Variants in LRP4 observed in about 807,000 individuals in gnomAD.
LRP4 encodes LDL receptor related protein 4.
Under a neutral mutation model 220.3 loss-of-function variants are expected in LRP4, and 95 were observed. That is an observed-to-expected ratio of 0.43 (90% CI 0.37 to 0.51). The LOEUF (loss-of-function observed/expected upper bound fraction) is 0.51, where lower values mean the gene tolerates loss of function less well. LRP4 is among the 20% of genes least tolerant of loss of function. The probability of loss-of-function intolerance (pLI) is 0.00; values close to 1 mark genes in which losing one functional copy is unlikely to be tolerated. For missense variants in LRP4, 1,925 were observed against 2,567.0 expected, an observed-to-expected ratio of 0.75 and a Z score of 5.40; for synonymous variants, 903 against 954.6, an observed-to-expected ratio of 0.95 and a Z score of 1.00.
chr11:46,888,893 A>C (rs1407630624), intron 16 of LRP4, among the ~76,000 whole-genome samples: 2 of 152,162 alleles, frequency 1.3e-5, no homozygotes, highest in Admixed American at 1.3e-4. Context: ...ACTCCTAAGG[A>C]GCCCAAAGGA....
chr11:46,882,980 A>T (rs1287867445), intron 19 of LRP4, among the ~76,000 whole-genome samples: 1 of 152,178 alleles, frequency 6.6e-6, no homozygotes, highest in East Asian at 1.9e-4. Context: ...TAAAACCAAA[A>T]CCATCACCAC....
rs12807111 is a variant in LRP4 at position 46,902,623 on chromosome 11, T to A, written c.199+160A>T. ...ACAGGAGAGTTGGAGCCATATATAG[T>A]GAAGAAACTACCCAAATGTCAATAT... On this transcript the variant is annotated intron_variant, in intron 2 of 37. Coordinates refer to ENST00000378623, the MANE Select transcript of LRP4 (RefSeq NM_002334.4). Among the ~76,000 whole-genome samples, 90,092 of 151,988 alleles carry A rather than the reference T, an allele frequency of 0.59. 29,957 individuals carry two copies. Among genetic ancestry groups the A allele is most frequent in the Non-Finnish European group, 0.75 (51,264 of 67,966 alleles).
intron 22 of LRP4, among the ~76,000 whole-genome samples, 170 bp from the exon 23 acceptor site, chr11:46,877,509 C>T (rs1941049986): frequency 6.6e-6 from 1 of 152,104 alleles, no homozygotes; most frequent in Admixed American, 6.5e-5. Context: ...GCTGTGTCGC[C>T]CAGGCTGGAG....
Position 46,890,601 on chromosome 11 carries a change from T to A in LRP4, c.1698-107A>T, listed in dbSNP as rs1182798775. The A allele has an allele frequency of 3.9e-6, 3 of 764,382 alleles. No homozygotes were observed. Among genetic ancestry groups the A allele is most frequent in the Non-Finnish European group, 2.2e-6 (1 of 449,614 alleles). The allele number at this position is 764,382 out of a possible 1,614,324, so 47.3% of individuals were successfully genotyped here. ...ATCCATTTAACTCAGGGGACTCCAA[T>A]GTTTGGTCCACAGAATGAATTTTTT... On this transcript the variant is annotated intron_variant, in intron 13 of 37. Transcript: ENST00000378623. This position sits in a 1 kb window ranked among gnomAD's most constrained non-coding sequence, Gnocchi z 5.3.
intron 37 of LRP4, chr11:46,861,001 AAC>A (rs1158689561): frequency 1.0e-6 from 1 of 976,454 alleles, no homozygotes; most frequent in East Asian, 1.1e-4. Context: ...CTGAGGAAGA[AAC>A]ACACAACAGA....
Position 46,875,511 on chromosome 11 carries a change from C to A in LRP4, c.3870G>T (p.Arg1290Ser), listed in dbSNP as rs1403441683. 1.1e-5 allele frequency: 18 copies of A among 1,614,180 alleles called. No homozygotes were observed. The highest frequency in any genetic ancestry group is 1.4e-5 in the Non-Finnish European group (16 of 1,180,044). ...KGTGSNVILV[R>S]SNLPGLMDMQ... ...TGTCCATGAGGCCTGGCAGGTTGGA[C>A]CTCACGAGGATGACATTGCTGCCAG... The change falls in exon 27 of 38, where the codon AGG (arginine) becomes AGT (serine). Residue 1290 changes from arginine to serine, a missense_variant. Coordinates refer to ENST00000378623, the MANE Select transcript of LRP4 (RefSeq NM_002334.4). The surrounding 1 kb of genome is among the most constrained non-coding windows in gnomAD (Gnocchi z 4.5).
chr11:46,897,962 G>A (rs1387709109), intron 7 of LRP4, among the ~76,000 whole-genome samples: 37 of 151,218 alleles, frequency 2.4e-4, no homozygotes, highest in Admixed American at 1.1e-3. Flanking sequence ...GGGCAGAGGC[G>A]CCCCTCACCT....
At chr11:46,893,675 C>T (rs1941468637) in intron 12 of LRP4, among the ~76,000 whole-genome samples, 1 of 152,250 alleles carries the variant, frequency 6.6e-6, no homozygotes, top group South Asian at 2.1e-4. Context: ...TCTCGGGTCA[C>T]TGCAACCTCC....
At position 46,899,598 on chromosome 11, in the gene LRP4, G is replaced by T. The variant is rs1006946756; in HGVS notation, c.431-95C>A. 11 of 947,648 alleles carry T rather than the reference G, an allele frequency of 1.2e-5. No individual in the cohort carries two copies. Among genetic ancestry groups the T allele is most frequent in the Admixed American group, 1.0e-4 (6 of 58,938 alleles). The allele number at this position is 947,648 out of a possible 1,614,324, so 58.7% of individuals were successfully genotyped here. A position where few individuals can be genotyped will look rare whatever the true frequency, so the allele number is the denominator to read the frequency against. ...CTCCCAACCTCACTGGCTTTGGCGG[G>T]TCTGACCTAGCCCCCGAAAGGCACC... is the stretch of plus-strand genomic sequence containing the variant. On this transcript the variant is annotated intron_variant, in intron 4 of 37. Coordinates refer to ENST00000378623, the MANE Select transcript of LRP4 (RefSeq NM_002334.4). This position sits in a 1 kb window ranked among gnomAD's most constrained non-coding sequence, Gnocchi z 5.9.
intron 7 of LRP4, 91 bp downstream of exon 7, chr11:46,898,467 T>A (rs1941589551): frequency 6.4e-7 from 1 of 1,573,228 alleles, no homozygotes; most frequent in Non-Finnish European, 8.7e-7. Context: ...ATTATAAGCA[T>A]GAGCCACCGC....
chr11:46,863,071 G>A, intron 36 of LRP4: 1 of 355,442 alleles, frequency 2.8e-6, no homozygotes, highest in Admixed American at 3.9e-5. Context: ...CCTATGGAGA[G>A]GCCCACAAGG....
At chr11:46,898,839 C>G in intron 6 of LRP4, 65 bp downstream of exon 6, 1 of 1,611,554 alleles carries the variant, frequency 6.2e-7, no homozygotes. Context: ...GGCGACTGTG[C>G]CTTGCCACCC....
intron 22 of LRP4, among the ~76,000 whole-genome samples, chr11:46,878,470 C>T (rs1315279434): frequency 6.6e-6 from 1 of 151,948 alleles, no homozygotes; most frequent in African/African-American, 2.4e-5. Flanking sequence ...GACGAGGTTT[C>T]ACCATGTTGG....
chr11:46,899,402 C>A lies in LRP4; in HGVS notation c.532G>T (p.Asp178Tyr), dbSNP rs1941616434. The change falls in exon 5 of 38, where the codon GAT becomes TAT. Residue 178 changes from aspartate to tyrosine, a missense_variant. By Grantham distance (160) the Asp-to-Tyr change is radical. Coordinates refer to ENST00000378623, the MANE Select transcript of LRP4 (RefSeq NM_002334.4). The surrounding 1 kb of genome is among the most constrained non-coding windows in gnomAD (Gnocchi z 5.9). ...GGCCACTCACGACAGTTCTCCTCAT[C>A]GGAGCCATCTTTGCAGTCGGTGTCA... is the stretch of plus-strand genomic sequence containing the variant. Reference protein sequence around the residue: ...DGDTDCKDGSDEENCPSAVPA... With the variant: ...DGDTDCKDGSYEENCPSAVPA... 6.2e-7 allele frequency: 1 copy of A among 1,613,712 alleles called. No homozygotes were observed. The highest frequency in any genetic ancestry group is 1.3e-5 in the African/African-American group (1 of 74,950).
chr11:46,886,008 C>A, intron 18 of LRP4, 83 bp downstream of exon 18: 2 of 1,172,352 alleles, frequency 1.7e-6, no homozygotes, highest in Non-Finnish European at 1.3e-6. Flanking sequence ...AGGAGAGACA[C>A]TGGGCTCCTT....
rs370423533 is a variant in LRP4, at chr11:46,890,634, C to T, written c.1698-140G>A. On this transcript the variant is annotated intron_variant, in intron 13 of 37. Transcript: ENST00000378623. This position sits in a 1 kb window ranked among gnomAD's most constrained non-coding sequence, Gnocchi z 5.3. ...CCACAGAATGAATTTTTTTTTTAGA[C>T]GGGGTCTCATTTTGTCACCCAGGCT... The T allele has an allele frequency of 1.1e-3, 728 of 667,812 alleles. 7 individuals carry two copies. The South Asian group carries it at 0.011, about 10-fold the overall frequency. The allele number at this position is 667,812 out of a possible 1,614,324, so 41.4% of individuals were successfully genotyped here. A position where few individuals can be genotyped will look rare whatever the true frequency, so the allele number is the denominator to read the frequency against.
At position 46,918,137 on chromosome 11, in the gene LRP4, C is replaced by T. The variant is rs979077553; in HGVS notation, c.52+191G>A. On this transcript the variant is annotated intron_variant, in intron 1 of 37. Coordinates refer to ENST00000378623, the MANE Select transcript of LRP4 (RefSeq NM_002334.4). The surrounding 1 kb of genome is among the most constrained non-coding windows in gnomAD (Gnocchi z 6.0). ...AGACCCGAACCCGCGGAAGCGCCTC[C>T]GCTGATGCCCCCGCTCGGACTGCTG... Among the ~76,000 whole-genome samples the T allele has an allele frequency of 6.6e-6, 1 of 151,952 alleles. No homozygotes were observed.
intron 1 of LRP4, among the ~76,000 whole-genome samples, chr11:46,908,265 A>G (rs1038984885): frequency 7.2e-5 from 11 of 152,150 alleles, no homozygotes; most frequent in African/African-American, 2.7e-4. Flanking sequence ...GTGCCCTCCG[A>G]GTACTTTTCT....
In LRP4 at chr11:46,876,578, C is replaced by A. The variant is rs767327311; in HGVS notation, c.3424G>T (p.Asp1142Tyr). 1 of 1,614,214 alleles carries A rather than the reference C, an allele frequency of 6.2e-7. No homozygotes were observed. Among genetic ancestry groups the A allele is most frequent in the Non-Finnish European group, 8.5e-7 (1 of 1,180,044 alleles). The change falls in exon 25 of 38, where the codon GAC becomes TAC. Residue 1142 changes from aspartate to tyrosine, a missense_variant. Around this residue, in one of 3 missense-constraint regions of LRP4, gnomAD observed 1,244 missense variants for 1,624.9 expected, o/e 0.77. Transcript: ENST00000378623. ...DAIGRKVYWT[D>Y]TGTNRIEVGN... ...ACTTCAATCCGGTTTGTTCCCGTGT[C>A]TGTCCAGTATACTTTCCGGCCAATG... is the stretch of plus-strand genomic sequence containing the variant.
Sources: allele counts gnomAD v4.1 joint callset (sites outside exome capture counted in the v4.1 genomes callset), GRCh38; gene constraint gnomAD v4.1.1; regional missense constraint gnomAD v4.1.1; non-coding constraint Gnocchi (gnomAD v3.1); transcripts MANE v1.5; gene names NCBI Gene and HGNC (gene_info 2026-07-23, HGNC 2026-07-21).